The following SAE1 variants were observed in gnomAD, a reference collection of about 807,000 sequenced individuals.
The protein encoded by SAE1 is SUMO1 activating enzyme subunit 1, also known as SUMO-activating enzyme subunit 1.
In SAE1, 11 loss-of-function variants were observed where a neutral mutation model predicts 40.6. The ratio of observed to expected loss-of-function variants is 0.27; its 90% CI spans 0.17 to 0.45. The LOEUF (loss-of-function observed/expected upper bound fraction) is 0.45. Ranked by LOEUF, SAE1 falls within the 20% of genes least tolerant of loss-of-function variation. The pLI is 1.00. For missense variants in SAE1, 373 were observed against 427.3 expected (o/e 0.87, Z 1.12); for synonymous variants, 155 against 154.3 (o/e 1.00, Z -0.03).
intron 5 of SAE1, among the ~76,000 whole-genome samples, chr19:47,157,663 C>T (rs557040079): frequency 3.3e-5 from 5 of 152,272 alleles, no homozygotes; most frequent in East Asian, 3.9e-4. Context: ...CCCACCATTC[C>T]GGAGGGCCCT....
chr19:47,150,218 C>T lies in SAE1; in HGVS notation c.227C>T (p.Pro76Leu), dbSNP rs1568589233. ...TATTCCTAGGTAACTCCAGAAGATC[C>T]CGGAGCTCAGTTCTTGATTCGTACT... ...LDHEQVTPED[P>L]GAQFLIRTGS... is the part of the protein sequence containing the mutation. The change falls in exon 3 of 9, where the codon CCC (proline) becomes CTC (leucine). Residue 76 changes from proline (P) to leucine (L), a missense_variant. Physicochemically the swap from Pro to Leu is moderately conservative, Grantham distance 98. Around this residue, in one of 3 missense-constraint regions of SAE1, gnomAD observed 351 missense variants for 390.6 expected, o/e 0.90. Transcript: ENST00000270225. 2 of 1,593,730 alleles carry T rather than the reference C, an allele frequency of 1.3e-6. No homozygotes were observed.
At chr19:47,187,733 G>C (rs1383362081) in intron 6 of SAE1, among the ~76,000 whole-genome samples, 1 of 152,124 alleles carries the variant, frequency 6.6e-6, no homozygotes, top group East Asian at 1.9e-4. Flanking sequence ...TGTTGGCCAG[G>C]CTGGTCTCAA....
intron 6 of SAE1, among the ~76,000 whole-genome samples, chr19:47,194,231 G>A (rs937089882): frequency 6.6e-6 from 1 of 152,170 alleles, no homozygotes; most frequent in Non-Finnish European, 1.5e-5. Flanking sequence ...GGCTGGTGGA[G>A]TGAATGAATT....
At chr19:47,174,862 C>T (rs1353770808) in intron 6 of SAE1, among the ~76,000 whole-genome samples, 5 of 151,636 alleles carry the variant, frequency 3.3e-5, no homozygotes, top group South Asian at 2.1e-4. Context: ...CGTGAGCCAC[C>T]GCGCCTGGCC....
At position 47,148,613 on chromosome 19, in the gene SAE1, A is replaced by C. The variant is rs367636973; in HGVS notation, c.211-1589A>C. 2.7e-5 allele frequency among the ~76,000 whole-genome samples: 4 copies of C among 148,382 alleles called. No individual in the cohort carries two copies. In the South Asian group the frequency reaches 8.5e-4, roughly 31 times the overall value. The stretch of plus-strand genomic sequence containing the variant: ...CCCCACTCATCTCTCCACCTCTCTG[A>C]GTTCTTTTTTTTTTTTTTTGAGACA... On this transcript the variant is annotated intron_variant, in intron 2 of 8. Coordinates refer to ENST00000270225, the MANE Select transcript of SAE1 (RefSeq NM_005500.3).
intron 5 of SAE1, among the ~76,000 whole-genome samples, chr19:47,159,697 A>G (rs1051738063): frequency 7.2e-5 from 11 of 151,986 alleles, no homozygotes; most frequent in African/African-American, 2.4e-4. Flanking sequence ...ATTTTTAAAA[A>G]TTATTATTAT....
chr19:47,152,299 C>T (rs2123211465), intron 3 of SAE1, among the ~76,000 whole-genome samples: 1 of 152,304 alleles, frequency 6.6e-6, no homozygotes, highest in African/African-American at 2.4e-5. Flanking sequence ...AGTGGATCAC[C>T]AGTTCATTGT....
intron 1 of SAE1, among the ~76,000 whole-genome samples, chr19:47,137,722 TGTGTGTTG>T (rs2058190139): frequency 1.4e-5 from 2 of 138,418 alleles, no homozygotes; most frequent in African/African-American, 2.5e-5. Context: ...TGTGTGTGTG[TGTGTGTTG>T]TTTTTTTTTT....
At chr19:47,182,522 C>T (rs946475541) in intron 6 of SAE1, among the ~76,000 whole-genome samples, 5 of 151,576 alleles carry the variant, frequency 3.3e-5, no homozygotes, top group African/African-American at 1.2e-4. Context: ...CGCGCGCACA[C>T]CACTGCCTTA....
intron 6 of SAE1, among the ~76,000 whole-genome samples, chr19:47,175,107 ATTTTTTTTTTTT>A (rs916783073): frequency 1.1e-5 from 1 of 91,706 alleles, no homozygotes; most frequent in African/African-American, 4.1e-5. Flanking sequence ...AGTGGCCTTG[ATTTTTTTTTTTT>A]TTTTTTTTTT....
chr19:47,170,755 C>T (rs1012285135), intron 6 of SAE1, among the ~76,000 whole-genome samples: 6 of 152,130 alleles, frequency 3.9e-5, no homozygotes, highest in African/African-American at 4.8e-5. Flanking sequence ...GAAATCCCCG[C>T]GTTGGCCTTC....
chr19:47,187,655 G>T (rs1267582009), intron 6 of SAE1, among the ~76,000 whole-genome samples: 1 of 152,154 alleles, frequency 6.6e-6, no homozygotes, highest in African/African-American at 2.4e-5. Context: ...CCAAGTAGCT[G>T]GGACTACAGG....
chr19:47,147,186 T>G (rs2058259235), intron 2 of SAE1, among the ~76,000 whole-genome samples: 1 of 148,982 alleles, frequency 6.7e-6, no homozygotes, highest in South Asian at 2.1e-4. Flanking sequence ...AAATGATAAT[T>G]GTATGTGTAT....
At chr19:47,139,613 A>G (rs1186677142) in intron 1 of SAE1, among the ~76,000 whole-genome samples, 2 of 138,928 alleles carry the variant, frequency 1.4e-5, no homozygotes, top group East Asian at 4.1e-4. Flanking sequence ...TTTGAGACAG[A>G]GTCTCACTCT....
intron 1 of SAE1, among the ~76,000 whole-genome samples, chr19:47,138,030 A>ATG (rs969626979): frequency 6.2e-5 from 9 of 145,802 alleles, no homozygotes; most frequent in African/African-American, 2.0e-4. Context: ...CACCCGGCCT[A>ATG]TGTGTGTGTA....
chr19:47,136,851 A>G (rs2058183576), intron 1 of SAE1, among the ~76,000 whole-genome samples: 2 of 152,092 alleles, frequency 1.3e-5, no homozygotes, highest in African/African-American at 4.8e-5. Context: ...TTCTCTGTTC[A>G]GATGAGGAAG....
chr19:47,180,766 T>C (rs1412918276), intron 6 of SAE1, among the ~76,000 whole-genome samples: 2 of 152,128 alleles, frequency 1.3e-5, no homozygotes, highest in East Asian at 3.8e-4. Flanking sequence ...GAAGCTGCAG[T>C]GAGTTGTGAT....
rs2058311312 is a variant in SAE1 at position 47,154,896 on chromosome 19, T to TA, written c.528-217dup. Reference sequence around the variant, plus strand: ...GTGCCCAGCAGTGTGCTGAGCAACTTACGCTGCTCTGTTTTTCCCACAATA... The same window carrying TA: ...GTGCCCAGCAGTGTGCTGAGCAACTTAACGCTGCTCTGTTTTTCCCACAATA... On this transcript the variant is annotated intron_variant, in intron 4 of 8. Transcript: ENST00000270225. 1.3e-5 allele frequency among the ~76,000 whole-genome samples: 2 copies of TA among 152,166 alleles called. 1 individual carries two copies. The highest frequency in any genetic ancestry group is 4.1e-4 in the South Asian group (2 of 4,820).
chr19:47,153,160 C>T, intron 4 of SAE1, 120 bp downstream of exon 4: 3 of 892,448 alleles, frequency 3.4e-6, no homozygotes, highest in Non-Finnish European at 4.8e-6. Context: ...TCAAGCTGGT[C>T]TTGAACTCCT....
Sources: allele counts gnomAD v4.1 joint callset (sites outside exome capture counted in the v4.1 genomes callset), GRCh38; gene constraint gnomAD v4.1.1; regional missense constraint gnomAD v4.1.1; transcripts MANE v1.5; gene names NCBI Gene and HGNC (gene_info 2026-07-23, HGNC 2026-07-21).